Variants in MAP4K4 observed in about 807,000 individuals in gnomAD.
MAP4K4 encodes the protein mitogen-activated protein kinase kinase kinase kinase 4.
In MAP4K4, 38 loss-of-function variants were observed where a neutral mutation model predicts 189.6. That is an observed-to-expected ratio of 0.20 (90% CI 0.15 to 0.26). The LOEUF is 0.26. Ranked by LOEUF, MAP4K4 falls within the 10% of genes least tolerant of loss-of-function variation. The pLI, the probability that MAP4K4 is intolerant of heterozygous loss-of-function variation, is 1.00. For missense variants in MAP4K4, 1,054 were observed against 1,726.9 expected, an observed-to-expected ratio of 0.61 and a Z score of 6.91; for synonymous variants, 610 against 624.3, an observed-to-expected ratio of 0.98 and a Z score of 0.34.
At chr2:101,758,843 A>G (rs2074259312) in intron 2 of MAP4K4, among the ~76,000 whole-genome samples, 1 of 152,264 alleles carries the variant, frequency 6.6e-6, no homozygotes, top group African/African-American at 2.4e-5. Flanking sequence ...ACTATAAAGA[A>G]GGGTTGCTGG....
intron 2 of MAP4K4, among the ~76,000 whole-genome samples, chr2:101,707,151 G>A (rs1248807957): frequency 6.6e-6 from 1 of 151,208 alleles, no homozygotes; most frequent in Non-Finnish European, 1.5e-5. Flanking sequence ...GTATCCTTTA[G>A]TAGGCACTTA....
At chr2:101,888,860 A>G in exon 32 of MAP4K4, 2 of 1,613,734 alleles carry the variant, frequency 1.2e-6, no homozygotes, top group Admixed American at 1.7e-5. Context: ...GATCTGTGGA[A>G]ACTGGTCACT....
intron 2 of MAP4K4, among the ~76,000 whole-genome samples, chr2:101,746,307 T>A (rs1163569851): frequency 2.7e-5 from 4 of 150,322 alleles, no homozygotes; most frequent in Non-Finnish European, 3.0e-5. Context: ...TTTTTTTTTT[T>A]AATGTAAGTA....
At chr2:101,707,705 T>TG (rs1462562416) in intron 2 of MAP4K4, among the ~76,000 whole-genome samples, 1 of 135,444 alleles carries the variant, frequency 7.4e-6, no homozygotes, top group East Asian at 2.4e-4. Context: ...TTTTTTTTTT[T>TG]TTTGAGACGG....
intron 8 of MAP4K4, among the ~76,000 whole-genome samples, chr2:101,835,603 CAGAT>C (rs903763251): frequency 2.0e-5 from 3 of 152,196 alleles, no homozygotes; most frequent in Admixed American, 6.5e-5. Flanking sequence ...TGTAATCTAA[CAGAT>C]AGTTTAACAA....
chr2:101,893,012 A>G (rs2098592106), exon 33 of MAP4K4: 1 of 456,388 alleles, frequency 2.2e-6, no homozygotes, highest in Non-Finnish European at 4.4e-6. Flanking sequence ...CTTTGTGGTT[A>G]ATTTTCCTGT....
intron 2 of MAP4K4, among the ~76,000 whole-genome samples, chr2:101,711,475 C>T (rs1573990085): frequency 6.6e-6 from 1 of 151,978 alleles, no homozygotes; most frequent in East Asian, 1.9e-4. Flanking sequence ...GGCTGGTCTC[C>T]AAATCCTGAC....
intron 13 of MAP4K4, among the ~76,000 whole-genome samples, chr2:101,856,885 A>G (rs2097486515): frequency 6.6e-6 from 1 of 152,208 alleles, no homozygotes; most frequent in Admixed American, 6.5e-5. Context: ...CATGGTGTTA[A>G]CTTTCAAATG....
At chr2:101,826,220 T>C (rs1048719164) in intron 5 of MAP4K4, among the ~76,000 whole-genome samples, 2 of 152,118 alleles carry the variant, frequency 1.3e-5, no homozygotes, top group Non-Finnish European at 2.9e-5. Flanking sequence ...CCCCCACTAA[T>C]AAAAAAACTT....
At chr2:101,722,884 A>T (rs2053037330) in intron 2 of MAP4K4, among the ~76,000 whole-genome samples, 2 of 152,228 alleles carry the variant, frequency 1.3e-5, no homozygotes, top group Admixed American at 6.5e-5. Flanking sequence ...AGCAGTATAC[A>T]GCATCTGTAT....
rs77310281 is a variant in MAP4K4 at position 101,752,559 on chromosome 2, C to T, written c.124-38161C>T. On this transcript the variant is annotated intron_variant, in intron 2 of 32. Transcript: ENST00000324219. ...CCTGTGTACCAGAAGTCACATAGTA[C>T]TGGGAAGTTCCAGGGTAAAGGAGGG... 7.5e-3 allele frequency among the ~76,000 whole-genome samples: 1,149 copies of T among 152,236 alleles called. 63 individuals are homozygous for T. The East Asian group carries it at 0.13, about 17-fold the overall frequency.
Position 101,740,158 on chromosome 2 carries a change from T to TCCCCTCAATCATCATAA in MAP4K4, c.123+41620_123+41621insCCCCTCAATCATCATAA, listed in dbSNP as rs1191629742. Among the ~76,000 whole-genome samples, 88 of 112,672 alleles carry TCCCCTCAATCATCATAA rather than the reference T, an allele frequency of 7.8e-4. 5 individuals carry two copies. Among genetic ancestry groups the TCCCCTCAATCATCATAA allele is most frequent in the African/African-American group, 3.2e-3 (45 of 14,242 alleles). 73.9% of individuals were successfully genotyped at this position (112,672 alleles called of 152,430 possible). A position where few individuals can be genotyped will look rare whatever the true frequency, so the allele number is the denominator to read the frequency against. The stretch of plus-strand genomic sequence containing the variant: ...AAAGTTGCTTTATATCATCTTTTTT[T>TCCCCTCAATCATCATAA]TTTTTTTTTTTTTGAGACGGAGTCT... On this transcript the variant is annotated intron_variant, in intron 2 of 32. Transcript: ENST00000324219.
intron 2 of MAP4K4, among the ~76,000 whole-genome samples, chr2:101,714,910 C>G (rs976833288): frequency 6.6e-6 from 1 of 152,122 alleles, no homozygotes; most frequent in African/African-American, 2.4e-5. Flanking sequence ...TCTTGCCACC[C>G]AACTTTTCTT....
chr2:101,829,655 C>T, intron 6 of MAP4K4, 61 bp downstream of exon 6: 1 of 1,140,886 alleles, frequency 8.8e-7, no homozygotes, highest in African/African-American at 1.5e-5. Flanking sequence ...AGCTGCACTC[C>T]CAGTTCTGCT....
At chr2:101,722,829 C>T (rs1261898475) in intron 2 of MAP4K4, among the ~76,000 whole-genome samples, 1 of 152,222 alleles carries the variant, frequency 6.6e-6, no homozygotes, top group East Asian at 1.9e-4. Context: ...CATAATCACT[C>T]ATAGTTGAGT....
chr2:101,874,385 T>C, intron 26 of MAP4K4, 133 bp downstream of exon 26: 1 of 737,026 alleles, frequency 1.4e-6, no homozygotes, highest in Non-Finnish European at 2.2e-6. Context: ...TCTCCTGTTA[T>C]ATGCAGAGTG....
intron 2 of MAP4K4, among the ~76,000 whole-genome samples, chr2:101,704,561 ATATATATTTTTTTT>A (rs1559013748): frequency 1.5e-4 from 8 of 53,842 alleles, no homozygotes; most frequent in East Asian, 5.1e-4. Flanking sequence ...ATATATATAT[ATATATATTTTTTTT>A]TTTTTTTTTT....
chr2:101,800,043 G>A (rs7569679), intron 3 of MAP4K4, among the ~76,000 whole-genome samples: 114,335 of 151,858 alleles, frequency 0.75, 43,497 homozygotes, highest in African/African-American at 0.88. Flanking sequence ...CTTCATTCAC[G>A]TGGGTGGTGC....
intron 2 of MAP4K4, among the ~76,000 whole-genome samples, chr2:101,780,318 C>T (rs1321775111): frequency 1.3e-5 from 2 of 152,046 alleles, no homozygotes; most frequent in Non-Finnish European, 2.9e-5. Context: ...TTTCTCTAAG[C>T]CAATGAGAAG....
Sources: gnomAD v4.1 joint callset for allele counts (sites outside exome capture counted in the v4.1 genomes callset) on GRCh38, gnomAD v4.1.1 for gene constraint, MANE v1.5 for transcripts, NCBI Gene and HGNC (gene_info 2026-07-23, HGNC 2026-07-21) for gene names.